The following B3GALT1 variants were observed in gnomAD, a reference collection of about 807,000 sequenced individuals.
B3GALT1 encodes the protein UDP-Gal:betaGlcNAc beta 1,3-galactosyltransferase, polypeptide 1.
A neutral mutation model predicts 23.2 loss-of-function variants in B3GALT1; 10 were observed. The observed-to-expected ratio is 0.43, with a 90% CI of 0.27 to 0.73. The LOEUF is 0.73. B3GALT1 is among the 30% of genes least tolerant of loss of function. The pLI is 0.21. For synonymous variants in B3GALT1, 156 were observed against 141.5 expected (o/e 1.10, Z -0.73); for missense variants, 299 against 405.4 (o/e 0.74, Z 2.25).
intron 2 of B3GALT1, among the ~76,000 whole-genome samples, chr2:167,561,560 A>C (rs71499078): frequency 2.0e-5 from 3 of 152,288 alleles, no homozygotes; most frequent in Non-Finnish European, 2.9e-5. Context: ...GACCGCTAGC[A>C]AGACTAATGA....
intron 1 of B3GALT1, among the ~76,000 whole-genome samples, chr2:167,440,699 T>C (rs1698868772): frequency 6.6e-6 from 1 of 152,138 alleles, no homozygotes; most frequent in African/African-American, 2.4e-5. Flanking sequence ...ATTTTTCCTC[T>C]CTGTTGGTTC....
intron 2 of B3GALT1, among the ~76,000 whole-genome samples, chr2:167,568,579 T>G (rs955061875): frequency 6.6e-6 from 1 of 152,134 alleles, no homozygotes; most frequent in South Asian, 2.1e-4. Context: ...TTTAATTGGG[T>G]TGTTTGTTTT....
intron 3 of B3GALT1, among the ~76,000 whole-genome samples, chr2:167,810,986 A>G (rs1383836253): frequency 2.0e-5 from 3 of 152,246 alleles, no homozygotes; most frequent in Admixed American, 2.0e-4. Context: ...GTTCAAGGCA[A>G]CAAAGAGTGG....
At chr2:167,679,122 GT>G (rs34522800) in intron 3 of B3GALT1, among the ~76,000 whole-genome samples, 38 of 145,054 alleles carry the variant, frequency 2.6e-4, no homozygotes, top group Non-Finnish European at 3.9e-4. Flanking sequence ...TTTTGTTTTT[GT>G]TTTTTTTTTT....
chr2:167,867,129 TTTTAGCCA>T (rs1283891533), intron 4 of B3GALT1, among the ~76,000 whole-genome samples: 1 of 152,048 alleles, frequency 6.6e-6, no homozygotes. Flanking sequence ...GGTTTCACCG[TTTTAGCCA>T]GGATGGTCTC....
At chr2:167,754,560 G>A (rs1249874230) in intron 3 of B3GALT1, among the ~76,000 whole-genome samples, 1 of 152,154 alleles carries the variant, frequency 6.6e-6, no homozygotes, top group Non-Finnish European at 1.5e-5. Flanking sequence ...GAAGTTAAGA[G>A]GCTTAAAATA....
chr2:167,738,193 A>G (rs1184307023), intron 3 of B3GALT1, among the ~76,000 whole-genome samples: 1 of 152,230 alleles, frequency 6.6e-6, no homozygotes, highest in Non-Finnish European at 1.5e-5. Flanking sequence ...AACTGATGAG[A>G]TAACTCCTAA....
At chr2:167,862,287 G>A (rs1310885703) in intron 4 of B3GALT1, among the ~76,000 whole-genome samples, 1 of 152,202 alleles carries the variant, frequency 6.6e-6, no homozygotes, top group East Asian at 1.9e-4. Flanking sequence ...CCAAAAACTT[G>A]AGAATCGGGG....
At chr2:167,850,073 A>G (rs1419382984) in intron 4 of B3GALT1, among the ~76,000 whole-genome samples, 3 of 152,232 alleles carry the variant, frequency 2.0e-5, no homozygotes, top group Non-Finnish European at 4.4e-5. Flanking sequence ...GAGCTTTTGC[A>G]CAGCAAAAGA....
intron 1 of B3GALT1, among the ~76,000 whole-genome samples, chr2:167,403,503 A>T (rs560030093): frequency 1.7e-3 from 244 of 145,856 alleles, no homozygotes; most frequent in Non-Finnish European, 2.8e-3. Flanking sequence ...CACCATGTTT[A>T]AAAAAAAAAA....
chr2:167,663,129 T>G (rs1324651169), intron 3 of B3GALT1, among the ~76,000 whole-genome samples: 27 of 106,766 alleles, frequency 2.5e-4, no homozygotes, highest in Admixed American at 2.0e-3. Flanking sequence ...CCCACAACAG[T>G]CCCAAGAGTG....
intron 1 of B3GALT1, among the ~76,000 whole-genome samples, chr2:167,320,607 C>G (rs16853419): frequency 0.034 from 5,204 of 152,116 alleles, 253 homozygotes; most frequent in African/African-American, 0.11. Context: ...CCTCTTTGCT[C>G]TTTCTCTTTT....
chr2:167,415,474 G>T, intron 1 of B3GALT1, among the ~76,000 whole-genome samples: 1 of 152,170 alleles, frequency 6.6e-6, no homozygotes, highest in East Asian at 1.9e-4. Context: ...GATGGAAAAT[G>T]AGCCAAGAAA....
In B3GALT1 at chr2:167,726,043, A is replaced by G. The variant is rs933819300; in HGVS notation, c.-352+79077A>G. ...AACAGATCTTGGGCCTTTAAGACAG[A>G]GATATGTTGGTTTCTCCATAAAATC... On this transcript the variant is annotated intron_variant, in intron 3 of 4. Coordinates refer to ENST00000392690, the MANE Select transcript of B3GALT1 (RefSeq NM_020981.4). Among the ~76,000 whole-genome samples, 13 of 152,304 alleles carry G rather than the reference A, an allele frequency of 8.5e-5. No individual in the cohort carries two copies. In the East Asian group the frequency reaches 2.3e-3, roughly 27 times the overall value.
At chr2:167,701,585 A>G (rs1686882787) in intron 3 of B3GALT1, among the ~76,000 whole-genome samples, 2 of 152,164 alleles carry the variant, frequency 1.3e-5, no homozygotes, top group African/African-American at 2.4e-5. Context: ...TTTTCCCCCA[A>G]GGATTGTTAA....
intron 3 of B3GALT1, among the ~76,000 whole-genome samples, chr2:167,745,461 G>C (rs145263399): frequency 7.9e-5 from 12 of 152,144 alleles, no homozygotes; most frequent in African/African-American, 2.9e-4. Context: ...TATAACTTCA[G>C]TATTTCCATA....
At chr2:167,668,552 G>A (rs1389358060) in intron 3 of B3GALT1, among the ~76,000 whole-genome samples, 10 of 152,032 alleles carry the variant, frequency 6.6e-5, no homozygotes, top group South Asian at 2.1e-4. Context: ...CCCCAGCCTC[G>A]CTGCCGCCTT....
At chr2:167,413,936 G>A (rs1698429913) in intron 1 of B3GALT1, among the ~76,000 whole-genome samples, 1 of 151,972 alleles carries the variant, frequency 6.6e-6, no homozygotes, top group African/African-American at 2.4e-5. Context: ...ATATACTAAA[G>A]AGCTATGTTG....
At chr2:167,385,789 A>G (rs566562900) in intron 1 of B3GALT1, among the ~76,000 whole-genome samples, 4 of 152,292 alleles carry the variant, frequency 2.6e-5, no homozygotes, top group Middle Eastern at 6.8e-3. Flanking sequence ...TTTCTATCCA[A>G]AACAACCCTT....
Sources: gnomAD v4.1 joint callset for allele counts (sites outside exome capture counted in the v4.1 genomes callset) on GRCh38, gnomAD v4.1.1 for gene constraint, MANE v1.5 for transcripts, NCBI Gene and HGNC (gene_info 2026-07-23, HGNC 2026-07-21) for gene names.